Variants in HERC4 observed in about 807,000 individuals in gnomAD.
HERC4 encodes the protein HECT and RLD domain containing E3 ubiquitin protein ligase 4.
Under a neutral mutation model 124.3 loss-of-function variants are expected in HERC4, and 28 were observed. The observed-to-expected ratio is 0.23, with a 90% CI of 0.17 to 0.31. The LOEUF is 0.31. Ranked by LOEUF, HERC4 falls within the 10% of genes least tolerant of loss-of-function variation. The pLI, the probability that HERC4 is intolerant of heterozygous loss-of-function variation, is 1.00. For missense variants in HERC4, 713 were observed against 1,229.3 expected, an observed-to-expected ratio of 0.58 and a Z score of 6.28; for synonymous variants, 407 against 421.5, an observed-to-expected ratio of 0.97 and a Z score of 0.42.
chr10:67,930,702 CAGCAGA>C (rs2031704164), intron 23 of HERC4, among the ~76,000 whole-genome samples: 1 of 152,144 alleles, frequency 6.6e-6, no homozygotes, highest in Non-Finnish European at 1.5e-5. Flanking sequence ...GATAGAAAAT[CAGCAGA>C]TTAATTTCAC....
intron 7 of HERC4, among the ~76,000 whole-genome samples, chr10:68,027,197 A>G (rs1285694101): frequency 2.4e-4 from 37 of 152,232 alleles, no homozygotes; most frequent in Admixed American, 2.4e-3. Flanking sequence ...GCGTTACTAC[A>G]TACTGTTATA....
rs1470543636 is a variant in HERC4, at chr10:68,059,548, T to C, written c.226+13335A>G. Among the ~76,000 whole-genome samples the C allele has an allele frequency of 2.9e-5, 3 of 104,312 alleles. 1 individual carries two copies. In the Admixed American group the frequency reaches 3.8e-4, roughly 13 times the overall value. The allele number at this position is 104,312 out of a possible 152,430, so 68.4% of individuals were successfully genotyped here. A position where few individuals can be genotyped will look rare whatever the true frequency, so the allele number is the denominator to read the frequency against. On this transcript the variant is annotated intron_variant, in intron 3 of 24. Transcript: ENST00000373700. ...ATAATATTATATATCATATTATATA[T>C]CATAATATATATCATAATATTATAT...
Position 67,988,749 on chromosome 10 carries a change from A to G in HERC4, c.1720T>C (p.Tyr574His). 2 of 1,607,024 alleles carry G rather than the reference A, an allele frequency of 1.2e-6. No homozygotes were observed. Among genetic ancestry groups the G allele is most frequent in the South Asian group, 1.1e-5 (1 of 90,134 alleles). Reference protein sequence around the residue: ...KEVVVHLLKLYKIGIPPSERR... With the variant: ...KEVVVHLLKLHKIGIPPSERR... ...TCAGAAGGGGGAATACCGATCTTGT[A>G]GAGTTTCAAAAGATGTACCACAACT... The change falls in exon 15 of 25, where the codon TAC (tyrosine) becomes CAC (histidine). Residue 574 changes from tyrosine to histidine, a missense_variant. Tyr to His is a moderately conservative substitution (Grantham distance 83). Coordinates refer to ENST00000373700, the MANE Select transcript of HERC4 (RefSeq NM_015601.4).
Position 67,975,673 on chromosome 10 carries a change from A to G in HERC4, c.1807-8871T>C, listed in dbSNP as rs141950557. 1.4e-4 allele frequency among the ~76,000 whole-genome samples: 22 copies of G among 152,302 alleles called. No individual in the cohort carries two copies. The East Asian group carries it at 3.7e-3, about 25-fold the overall frequency. On this transcript the variant is annotated intron_variant, in intron 15 of 24. Coordinates refer to ENST00000373700, the MANE Select transcript of HERC4 (RefSeq NM_015601.4). ...CCGACACATGCATTCTTAACTCACTATATGACTGTCCAATTTGCTTGATCT... is the reference window on the plus strand; with the variant it reads ...CCGACACATGCATTCTTAACTCACTGTATGACTGTCCAATTTGCTTGATCT...
intron 24 of HERC4, among the ~76,000 whole-genome samples, chr10:67,924,570 T>C (rs1038062622): frequency 6.6e-6 from 1 of 152,218 alleles, no homozygotes; most frequent in South Asian, 2.1e-4. Context: ...CACTATCGTA[T>C]ATATGGTCTG....
rs1391370142 is a variant in HERC4, at chr10:67,992,336, A to G, written c.1147-13T>C. 1.2e-6 allele frequency: 2 copies of G among 1,612,684 alleles called. No homozygotes were observed. Among genetic ancestry groups the G allele is most frequent in the Admixed American group, 1.7e-5 (1 of 59,890 alleles). ...GTGGCCCACAGTTCTAAATTTTCAA[A>G]TAAGATTAGTCAGAGGGAAGAGATA... On this transcript the variant is annotated splice_polypyrimidine_tract_variant and intron_variant, in intron 10 of 24. Coordinates refer to ENST00000373700, the MANE Select transcript of HERC4 (RefSeq NM_015601.4).
intron 9 of HERC4, among the ~76,000 whole-genome samples, chr10:68,004,643 A>C (rs541778386): frequency 1.3e-5 from 2 of 152,342 alleles, no homozygotes; most frequent in East Asian, 3.9e-4. Context: ...TTATAAAGGA[A>C]AGAGGTTTAA....
intron 7 of HERC4, among the ~76,000 whole-genome samples, chr10:68,027,548 C>T (rs980849276): frequency 2.0e-5 from 3 of 152,212 alleles, no homozygotes; most frequent in Non-Finnish European, 1.5e-5. Flanking sequence ...CAGCTAATAA[C>T]TAGGCCATGT....
chr10:68,036,022 A>G (rs181056683), intron 5 of HERC4, among the ~76,000 whole-genome samples: 1 of 152,266 alleles, frequency 6.6e-6, no homozygotes, highest in African/African-American at 2.4e-5. Context: ...GGGCTCTAAA[A>G]AATGTTTAGC....
At chr10:67,986,048 G>T (rs2036242871) in intron 15 of HERC4, among the ~76,000 whole-genome samples, 1 of 152,174 alleles carries the variant, frequency 6.6e-6, no homozygotes, top group Non-Finnish European at 1.5e-5. Context: ...TTTCTTGAAT[G>T]ATACAAATAA....
intron 3 of HERC4, among the ~76,000 whole-genome samples, chr10:68,048,379 A>G (rs549668638): frequency 9.5e-4 from 145 of 152,362 alleles, no homozygotes; most frequent in African/African-American, 3.4e-3. Flanking sequence ...GACATGGAAG[A>G]AATTTACTTA....
At chr10:68,005,232 A>G (rs1477245983) in intron 9 of HERC4, among the ~76,000 whole-genome samples, 3 of 152,156 alleles carry the variant, frequency 2.0e-5, no homozygotes, top group Admixed American at 2.0e-4. Flanking sequence ...TGTTGGGTGC[A>G]TATATATTTA....
chr10:67,926,407 AAT>A (rs2030952970), intron 23 of HERC4, among the ~76,000 whole-genome samples: 1 of 148,770 alleles, frequency 6.7e-6, no homozygotes, highest in Non-Finnish European at 1.5e-5. Context: ...CAATAAAAAA[AAT>A]AAAAAATAAA....
chr10:68,065,388 T>C (rs2041249946), intron 3 of HERC4, among the ~76,000 whole-genome samples: 1 of 152,162 alleles, frequency 6.6e-6, no homozygotes, highest in Non-Finnish European at 1.5e-5. Context: ...AAGTAATTAA[T>C]ATATTTTCAA....
intron 21 of HERC4, among the ~76,000 whole-genome samples, chr10:67,937,975 C>G (rs1183970322): frequency 6.6e-6 from 1 of 151,616 alleles, no homozygotes; most frequent in Non-Finnish European, 1.5e-5. Context: ...AGCCACTGTG[C>G]CCGGACAGAA....
At chr10:67,987,343 G>A (rs781291811) in intron 15 of HERC4, among the ~76,000 whole-genome samples, 3 of 152,262 alleles carry the variant, frequency 2.0e-5, no homozygotes, top group Admixed American at 6.5e-5. Context: ...TTTCTTAAAG[G>A]GGGGAATAAA....
intron 15 of HERC4, among the ~76,000 whole-genome samples, chr10:67,977,176 G>A (rs906846278): frequency 6.6e-6 from 1 of 152,218 alleles, no homozygotes; most frequent in Non-Finnish European, 1.5e-5. Flanking sequence ...GAAGACTGGA[G>A]GGAAGAGTGG....
intron 24 of HERC4, among the ~76,000 whole-genome samples, chr10:67,924,016 T>C (rs1212140707): frequency 1.3e-5 from 2 of 151,942 alleles, no homozygotes; most frequent in Non-Finnish European, 2.9e-5. Flanking sequence ...TTATTTTATA[T>C]AGAAATTGCC....
chr10:67,925,494 C>G (rs796918747), intron 23 of HERC4, among the ~76,000 whole-genome samples: 2 of 152,222 alleles, frequency 1.3e-5, no homozygotes, highest in African/African-American at 4.8e-5. Flanking sequence ...ATGGAATTAT[C>G]TGTGATAATC....
Sources: gnomAD v4.1 joint callset for allele counts (sites outside exome capture counted in the v4.1 genomes callset) on GRCh38, gnomAD v4.1.1 for gene constraint, MANE v1.5 for transcripts, NCBI Gene and HGNC (gene_info 2026-07-23, HGNC 2026-07-21) for gene names.